CNTNAP2: variants seen among roughly 807,000 people sequenced by gnomAD.
CNTNAP2 encodes the protein contactin associated protein 2.
Under a neutral mutation model 155.2 loss-of-function variants are expected in CNTNAP2, and 98 were observed. The ratio of observed to expected loss-of-function variants is 0.63; its 90% CI spans 0.54 to 0.75. The LOEUF (loss-of-function observed/expected upper bound fraction) is 0.75, where lower values mean the gene tolerates loss of function less well. CNTNAP2 is among the 30% of genes least tolerant of loss of function. CNTNAP2 has a pLI of 0.00. For missense variants in CNTNAP2, 1,727 were observed against 1,688.1 expected (o/e 1.02, Z -0.40); for synonymous variants, 651 against 631.2 (o/e 1.03, Z -0.47).
At chr7:146,352,427 ATTATC>A (rs1395360559) in intron 1 of CNTNAP2, among the ~76,000 whole-genome samples, 1 of 152,132 alleles carries the variant, frequency 6.6e-6, no homozygotes, top group Non-Finnish European at 1.5e-5. Flanking sequence ...TATGCCTTTT[ATTATC>A]TTAAGCATGT....
intron 8 of CNTNAP2, among the ~76,000 whole-genome samples, chr7:147,214,032 C>T (rs866455233): frequency 3.3e-5 from 5 of 152,112 alleles, no homozygotes; most frequent in Non-Finnish European, 7.4e-5. Context: ...AACTCACCTG[C>T]CAATCTCCTC....
At position 147,775,320 on chromosome 7, in the gene CNTNAP2, TA is replaced by T. The variant is rs1563084547; in HGVS notation, c.2099-128244del. Among the ~76,000 whole-genome samples the T allele has an allele frequency of 3.7e-3, 158 of 42,786 alleles. 8 individuals are homozygous for T. Among genetic ancestry groups the T allele is most frequent in the Middle Eastern group, 0.02 (2 of 102 alleles). The allele number at this position is 42,786 out of a possible 152,430, so 28.1% of individuals were successfully genotyped here. On this transcript the variant is annotated intron_variant, in intron 13 of 23. Transcript: ENST00000361727. The stretch of plus-strand genomic sequence containing the variant: ...TTATATATATTTATAAATATATATA[TA>T]TTTATATATATTTATAAATATATAT...
At chr7:147,796,980 G>A (rs1032534772) in intron 13 of CNTNAP2, among the ~76,000 whole-genome samples, 20 of 152,122 alleles carry the variant, frequency 1.3e-4, no homozygotes, top group African/African-American at 4.3e-4. Context: ...GATCAAGATC[G>A]TGGAGATAGT....
At chr7:147,912,248 A>G (rs1198021720) in intron 14 of CNTNAP2, among the ~76,000 whole-genome samples, 2 of 152,180 alleles carry the variant, frequency 1.3e-5, no homozygotes, top group Non-Finnish European at 2.9e-5. Flanking sequence ...TAAATGCTCA[A>G]GAAATATTGA....
chr7:148,290,338 G>C (rs1265311227), intron 21 of CNTNAP2, among the ~76,000 whole-genome samples: 1 of 152,168 alleles, frequency 6.6e-6, no homozygotes, highest in Admixed American at 6.5e-5. Context: ...TCTATCACAT[G>C]GTAAAGAGAG....
At chr7:147,019,999 T>C (rs1200799550) in intron 3 of CNTNAP2, among the ~76,000 whole-genome samples, 1 of 60,428 alleles carries the variant, frequency 1.7e-5, no homozygotes, top group Non-Finnish European at 3.8e-5. Context: ...AGATATAGTA[T>C]GGTATGGTAT....
Position 147,106,292 on chromosome 7 carries a change from A to G in CNTNAP2, c.551-1855A>G, listed in dbSNP as rs150790291. 1.7e-4 allele frequency among the ~76,000 whole-genome samples: 26 copies of G among 152,268 alleles called. No homozygotes were observed. In the East Asian group the frequency reaches 5.0e-3, roughly 29 times the overall value. On this transcript the variant is annotated intron_variant, in intron 4 of 23. Transcript: ENST00000361727. ...TCTTTTATTCACTTTTCAAGATAAA[A>G]AGTATCATCAACTGCTGGATTATAC... is the stretch of plus-strand genomic sequence containing the variant.
At chr7:147,263,561 T>G (rs187177282) in intron 8 of CNTNAP2, among the ~76,000 whole-genome samples, 1 of 152,200 alleles carries the variant, frequency 6.6e-6, no homozygotes, top group African/African-American at 2.4e-5. Context: ...CATCTCCTTT[T>G]GGACCAGATC....
intron 11 of CNTNAP2, among the ~76,000 whole-genome samples, chr7:147,488,006 A>T (rs1005828707): frequency 6.6e-5 from 10 of 152,122 alleles, no homozygotes; most frequent in African/African-American, 2.4e-4. Context: ...GCATAAATAG[A>T]GGTGAAAAGA....
chr7:147,685,842 A>C (rs1394095887), intron 13 of CNTNAP2, among the ~76,000 whole-genome samples: 1 of 151,966 alleles, frequency 6.6e-6, no homozygotes, highest in African/African-American at 2.4e-5. Context: ...ATATCATGCT[A>C]TCTGTGGGGA....
intron 13 of CNTNAP2, among the ~76,000 whole-genome samples, chr7:147,781,606 C>T (rs561568229): frequency 2.0e-5 from 3 of 152,308 alleles, no homozygotes; most frequent in Admixed American, 1.3e-4. Context: ...AGAGGAGGAT[C>T]TATCAAAAGA....
At chr7:146,922,532 TAAAG>T (rs1213716117) in intron 3 of CNTNAP2, among the ~76,000 whole-genome samples, 1 of 152,002 alleles carries the variant, frequency 6.6e-6, no homozygotes, top group Middle Eastern at 3.2e-3. Context: ...AATAAAAAGG[TAAAG>T]AAAACAATGA....
At chr7:147,451,347 A>G (rs1797829676) in intron 10 of CNTNAP2, among the ~76,000 whole-genome samples, 1 of 152,218 alleles carries the variant, frequency 6.6e-6, no homozygotes, top group African/African-American at 2.4e-5. Flanking sequence ...TTTTTTGGAT[A>G]CCACTAATAA....
chr7:146,446,268 T>C (rs537730877), intron 1 of CNTNAP2, among the ~76,000 whole-genome samples: 41 of 152,228 alleles, frequency 2.7e-4, no homozygotes, highest in East Asian at 9.7e-4. Context: ...AAAACAGTCT[T>C]GGAAACAGTT....
At chr7:147,775,377 TTATATATATTTATAA>T (rs1797566137) in intron 13 of CNTNAP2, among the ~76,000 whole-genome samples, 6 of 72,034 alleles carry the variant, frequency 8.3e-5, no homozygotes, top group Admixed American at 4.3e-4. Context: ...ATATATATAT[TTATATATATTTATAA>T]ATATATATAT....
intron 1 of CNTNAP2, among the ~76,000 whole-genome samples, chr7:146,554,052 C>T (rs2129143199): frequency 6.6e-6 from 1 of 152,250 alleles, no homozygotes; most frequent in East Asian, 1.9e-4. Context: ...ATTTGTTGGT[C>T]AGATATCTGT....
At chr7:147,884,935 A>G (rs1799580291) in intron 13 of CNTNAP2, among the ~76,000 whole-genome samples, 1 of 152,232 alleles carries the variant, frequency 6.6e-6, no homozygotes, top group African/African-American at 2.4e-5. Flanking sequence ...CCCCCACTAA[A>G]TAGCAGGCTT....
rs190730047 is a variant in CNTNAP2 at position 146,368,500 on chromosome 7, T to C, written c.97+251527T>C. 9.5e-3 allele frequency among the ~76,000 whole-genome samples: 1,439 copies of C among 152,252 alleles called. 24 individuals are homozygous for C. The highest frequency in any genetic ancestry group is 0.032 in the African/African-American group (1,321 of 41,570). On this transcript the variant is annotated intron_variant, in intron 1 of 23. Coordinates refer to ENST00000361727, the MANE Select transcript of CNTNAP2 (RefSeq NM_014141.6). ...CTGGCTCTGCCAGTCACTATCCCTT[T>C]GATACTGATCAAATCATACAAAATC...
At chr7:147,569,766 G>T (rs1563001937) in intron 12 of CNTNAP2, among the ~76,000 whole-genome samples, 1 of 152,172 alleles carries the variant, frequency 6.6e-6, no homozygotes, top group Non-Finnish European at 1.5e-5. Flanking sequence ...TTCCTTAGCA[G>T]TTTACAGTAA....
Sources: allele counts gnomAD v4.1 joint callset (sites outside exome capture counted in the v4.1 genomes callset), GRCh38; gene constraint gnomAD v4.1.1; transcripts MANE v1.5; gene names NCBI Gene and HGNC (gene_info 2026-07-23, HGNC 2026-07-21).